Variants in GSE1 observed in about 807,000 individuals in gnomAD.
GSE1 encodes genetic suppressor element 1.
A neutral mutation model predicts 112.6 loss-of-function variants in GSE1; 32 were observed. That is an observed-to-expected ratio of 0.28 (90% CI 0.21 to 0.38). GSE1 has a LOEUF of 0.38. Ranked by LOEUF, GSE1 falls within the 10% of genes least tolerant of loss-of-function variation. The pLI, the probability that GSE1 is intolerant of heterozygous loss-of-function variation, is 1.00. For missense variants in GSE1, 2,348 were observed against 1,699.2 expected (o/e 1.38, Z -6.71); for synonymous variants, 1,115 against 735.6 (o/e 1.52, Z -8.35).
intron 2 of GSE1, among the ~76,000 whole-genome samples, chr16:85,360,633 G>A (rs1322247162): frequency 3.3e-5 from 5 of 152,162 alleles, no homozygotes; most frequent in Admixed American, 1.3e-4. Flanking sequence ...GCGGCGGGGC[G>A]GGTGCAGGGG....
intron 5 of GSE1, among the ~76,000 whole-genome samples, chr16:85,655,227 C>T (rs1005637600): frequency 6.6e-6 from 1 of 152,330 alleles, no homozygotes; most frequent in Non-Finnish European, 1.5e-5. Context: ...TTGGCTCCTC[C>T]CCTTCTCACC....
At chr16:85,448,394 G>T (rs763382127) in intron 2 of GSE1, among the ~76,000 whole-genome samples, 1 of 152,206 alleles carries the variant, frequency 6.6e-6, no homozygotes, top group African/African-American at 2.4e-5. Context: ...GAACGGTGGT[G>T]TTTCAAAAGC....
At chr16:85,473,340 G>A (rs543904076) in intron 2 of GSE1, among the ~76,000 whole-genome samples, 148 of 152,318 alleles carry the variant, frequency 9.7e-4, no homozygotes, top group African/African-American at 3.4e-3. Context: ...GAGCTGGTGG[G>A]GGAGTGGGCA....
chr16:85,332,522 G>A (rs1430328456), intron 1 of GSE1, among the ~76,000 whole-genome samples: 1 of 152,144 alleles, frequency 6.6e-6, no homozygotes, highest in Non-Finnish European at 1.5e-5. Context: ...GCAGCTCTTG[G>A]TTAATATGAC....
rs114399871 is a variant in GSE1 at position 85,537,855 on chromosome 16, C to T, written c.2465-96059C>T. 7.3e-3 allele frequency among the ~76,000 whole-genome samples: 1,114 copies of T among 152,308 alleles called. 15 individuals carry two copies. Among genetic ancestry groups the T allele is most frequent in the African/African-American group, 0.024 (1,016 of 41,568 alleles). ...AGGCTGGGGCGGTTGGGGTGGGCCT[C>T]TCTATGGAGTTTGTGTTTGAGTACA... On this transcript the variant is annotated intron_variant, in intron 2 of 2. Transcript: ENST00000637419.
chr16:85,566,516 C>T (rs555852663), intron 1 of GSE1, among the ~76,000 whole-genome samples: 25 of 152,302 alleles, frequency 1.6e-4, no homozygotes, highest in African/African-American at 5.5e-4. Context: ...TTGGCCAGCC[C>T]GGCCTCAGCG....
At chr16:85,541,222 C>G (rs780978401) in intron 2 of GSE1, among the ~76,000 whole-genome samples, 8 of 152,218 alleles carry the variant, frequency 5.3e-5, no homozygotes, top group Non-Finnish European at 8.8e-5. Flanking sequence ...ATGGTGAGAG[C>G]TGACCACCTG....
chr16:85,499,629 C>T (rs140480822), intron 2 of GSE1, among the ~76,000 whole-genome samples: 88 of 152,226 alleles, frequency 5.8e-4, no homozygotes, highest in African/African-American at 2.0e-3. Flanking sequence ...AAGAATGCAC[C>T]TCAGCGTGAA....
In GSE1 at chr16:85,634,136, A is replaced by AGG. The variant is rs776050879; in HGVS notation, c.226+8_226+9dup. 6.8e-7 allele frequency: 1 copy of AGG among 1,470,208 alleles called. No homozygotes were observed. The highest frequency in any genetic ancestry group is 8.9e-7 in the Non-Finnish European group (1 of 1,118,560). 91.1% of individuals were successfully genotyped at this position (1,470,208 alleles called of 1,614,324 possible). A position where few individuals can be genotyped will look rare whatever the true frequency, so the allele number is the denominator to read the frequency against. Reference sequence around the variant, plus strand: ...AAACAGGCGGAGGAGCCCAGAGGTAAGGGGGCCCGCCAGGCTGCGCGTGGG... The same window carrying AGG: ...AAACAGGCGGAGGAGCCCAGAGGTAAGGGGGGGCCCGCCAGGCTGCGCGTGGG... On this transcript the variant is annotated splice_donor_region_variant and intron_variant, in intron 2 of 15. Coordinates refer to ENST00000253458, the MANE Select transcript of GSE1 (RefSeq NM_014615.5).
At chr16:85,257,287 T>G (rs1163163857) in intron 1 of GSE1, among the ~76,000 whole-genome samples, 1 of 152,116 alleles carries the variant, frequency 6.6e-6, no homozygotes, top group African/African-American at 2.4e-5. Flanking sequence ...TTTTTGTATT[T>G]TTAGTAGAGA....
chr16:85,322,473 A>G (rs1274890775), intron 1 of GSE1, among the ~76,000 whole-genome samples: 1 of 152,192 alleles, frequency 6.6e-6, no homozygotes, highest in Non-Finnish European at 1.5e-5. Context: ...GCAGTGACCA[A>G]GGGACTGTTT....
chr16:85,243,990 G>A (rs1435444787), intron 1 of GSE1, among the ~76,000 whole-genome samples: 3 of 152,188 alleles, frequency 2.0e-5, no homozygotes, highest in Non-Finnish European at 4.4e-5. Context: ...GCCAGGTGTG[G>A]TGGCACATAC....
At chr16:85,446,212 T>C (rs938885352) in intron 2 of GSE1, among the ~76,000 whole-genome samples, 6 of 152,134 alleles carry the variant, frequency 3.9e-5, no homozygotes, top group Admixed American at 1.3e-4. Context: ...GACCTGTATT[T>C]CCCAGGACAA....
intron 2 of GSE1, among the ~76,000 whole-genome samples, chr16:85,500,272 C>T (rs569377289): frequency 3.3e-5 from 5 of 152,316 alleles, no homozygotes; most frequent in African/African-American, 9.6e-5. Context: ...TTGTAGTTCA[C>T]GTGGATTTCC....
rs146913682 is a variant in GSE1, at chr16:85,666,128, G to A, written c.2911G>A (p.Gly971Arg). The stretch of plus-strand genomic sequence containing the variant: ...AGTCCAGGAGCTAGCTCCTGCCAGC[G>A]GGGAGAAGGCCAGGCTGAGCGAGGC... ...SRVQELAPAS[G>R]EKARLSEAPG... is the part of the protein sequence containing the mutation. The change falls in exon 13 of 16, where the codon GGG (glycine) becomes AGG (arginine). Residue 971 changes from glycine (G) to arginine (R), a missense_variant. Transcript: ENST00000253458. 62 of 1,613,122 alleles carry A rather than the reference G, an allele frequency of 3.8e-5. No individual in the cohort carries two copies. Among genetic ancestry groups the A allele is most frequent in the African/African-American group, 2.1e-4 (16 of 74,932 alleles).
intron 2 of GSE1, among the ~76,000 whole-genome samples, chr16:85,499,721 A>G (rs1478042285): frequency 6.6e-6 from 1 of 152,206 alleles, no homozygotes; most frequent in Non-Finnish European, 1.5e-5. Flanking sequence ...ATTAAAAATA[A>G]TTTTTAAAAA....
At chr16:85,233,910 C>T (rs896464532) in intron 1 of GSE1, among the ~76,000 whole-genome samples, 4 of 152,112 alleles carry the variant, frequency 2.6e-5, no homozygotes, top group African/African-American at 9.7e-5. Context: ...CCTACCCCTG[C>T]CCCCTGTCCA....
chr16:85,643,224 C>T (rs913558885), intron 2 of GSE1, among the ~76,000 whole-genome samples: 3 of 152,222 alleles, frequency 2.0e-5, no homozygotes, highest in Non-Finnish European at 2.9e-5. Flanking sequence ...AATCCAGATC[C>T]GTTTCATTGA....
chr16:85,645,094 T>C (rs1055782422), intron 2 of GSE1, among the ~76,000 whole-genome samples: 1 of 150,608 alleles, frequency 6.6e-6, no homozygotes, highest in Non-Finnish European at 1.5e-5. Flanking sequence ...CTCAGGTGGA[T>C]CTAGTAGCCC....
Sources: gnomAD v4.1 joint callset for allele counts (sites outside exome capture counted in the v4.1 genomes callset) on GRCh38, gnomAD v4.1.1 for gene constraint, MANE v1.5 for transcripts, NCBI Gene and HGNC (gene_info 2026-07-23, HGNC 2026-07-21) for gene names.